The following PALS2 variants were observed in gnomAD, a reference collection of about 807,000 sequenced individuals.
The protein encoded by PALS2 is protein PALS2.
A neutral mutation model predicts 61.6 loss-of-function variants in PALS2; 27 were observed. The ratio of observed to expected loss-of-function variants is 0.44; its 90% CI spans 0.32 to 0.60. The LOEUF is 0.60. Among genes scored for constraint, PALS2 ranks in the 20% least tolerant of loss-of-function variants. The pLI is 0.05. For missense variants in PALS2, 554 were observed against 639.4 expected, an observed-to-expected ratio of 0.87 and a Z score of 1.44; for synonymous variants, 236 against 218.6, an observed-to-expected ratio of 1.08 and a Z score of -0.70.
rs1274329385 is a variant in PALS2, at chr7:24,691,405, G to GTGTATATATATATA, written c.*3792_*3793insGTATATATATATAT. ...ATATTATGTATGTGTGTGTGTGTGT[G>GTGTATATATATATA]TATATATATATATATATATATATAT... On this transcript the variant is annotated 3_prime_UTR_variant, in exon 12 of 12. Coordinates refer to ENST00000222644, the MANE Select transcript of PALS2 (RefSeq NM_001303037.2). The GTGTATATATATATA allele has an allele frequency of 9.0e-6, 1 of 110,596 alleles. No homozygotes were observed. The highest frequency in any genetic ancestry group is 1.9e-5 in the Non-Finnish European group (1 of 52,294). The allele number at this position is 110,596 out of a possible 1,614,324, so 6.9% of individuals were successfully genotyped here.
intron 9 of PALS2, among the ~76,000 whole-genome samples, chr7:24,677,617 C>G (rs542354609): frequency 6.6e-6 from 1 of 152,092 alleles, no homozygotes; most frequent in Admixed American, 6.6e-5. Flanking sequence ...TTTTCTGCAT[C>G]TATTGAGATA....
In PALS2 at chr7:24,691,444, T is replaced by G. The variant is rs556259115; in HGVS notation, c.*3830T>G. The G allele has an allele frequency of 1.5e-5, 2 of 134,340 alleles. No homozygotes were observed. The highest frequency in any genetic ancestry group is 3.3e-5 in the Non-Finnish European group (2 of 60,684). The allele number at this position is 134,340 out of a possible 1,614,324, so 8.3% of individuals were successfully genotyped here. A position where few individuals can be genotyped will look rare whatever the true frequency, so the allele number is the denominator to read the frequency against. ...ATATATATATATATATATATATATA[T>G]ACAGCTATGTGTATAATATGTAAAA... On this transcript the variant is annotated 3_prime_UTR_variant, in exon 12 of 12. Coordinates refer to ENST00000222644, the MANE Select transcript of PALS2 (RefSeq NM_001303037.2).
chr7:24,669,294 A>G (rs967179477), intron 9 of PALS2, among the ~76,000 whole-genome samples: 17 of 152,232 alleles, frequency 1.1e-4, no homozygotes, highest in Non-Finnish European at 8.8e-5. Context: ...ATTTACATAG[A>G]AAGTTAAATA....
rs118080366 is a variant in PALS2 at position 24,633,455 on chromosome 7, A to G, written c.118-8261A>G. On this transcript the variant is annotated intron_variant, in intron 2 of 11. Transcript: ENST00000222644. The stretch of plus-strand genomic sequence containing the variant: ...ATAATTCTTATGCTTGCTCCTCTGC[A>G]GGTAAGGTTGCCCCCCCCCCACCCC... Among the ~76,000 whole-genome samples, 853 of 104,590 alleles carry G rather than the reference A, an allele frequency of 8.2e-3. 6 individuals are homozygous for G. The highest frequency in any genetic ancestry group is 0.011 in the Non-Finnish European group (659 of 58,014). 68.6% of individuals were successfully genotyped at this position (104,590 alleles called of 152,430 possible). A position where few individuals can be genotyped will look rare whatever the true frequency, so the allele number is the denominator to read the frequency against.
intron 2 of PALS2, among the ~76,000 whole-genome samples, chr7:24,640,679 A>G (rs1785484660): frequency 6.6e-6 from 1 of 152,202 alleles, no homozygotes; most frequent in Admixed American, 6.5e-5. Flanking sequence ...ATTTGAACTT[A>G]ACACTCGGCT....
rs941045619 is a variant in PALS2, at chr7:24,693,427, T to C, written c.*5813T>C. 2 of 152,146 alleles carry C rather than the reference T, an allele frequency of 1.3e-5. No homozygotes were observed. Among genetic ancestry groups the C allele is most frequent in the Admixed American group, 6.5e-5 (1 of 15,270 alleles). 9.4% of individuals were successfully genotyped at this position (152,146 alleles called of 1,614,324 possible). ...ACAGGAAAAAAGCATACTCATCTGA[T>C]GTAAAAACTCATCAGCTGTAAATTA... On this transcript the variant is annotated 3_prime_UTR_variant, in exon 12 of 12. Transcript: ENST00000222644.
At position 24,623,713 on chromosome 7, in the gene PALS2, G is replaced by T. The variant is rs773971828; in HGVS notation, c.46G>T (p.Gly16Ter). The change falls in exon 2 of 12, where the codon GGA becomes TGA. Residue 16 changes from glycine (G) to a stop codon, truncating the protein, a stop_gained. Coordinates refer to ENST00000222644, the MANE Select transcript of PALS2 (RefSeq NM_001303037.2). LOFTEE classifies it high-confidence loss of function. Reference protein sequence around the residue: ...ENLTELPSSTGAEEIDLIFLK... With the variant: ...ENLTELPSST ...CCTTACGGAGCTGCCCTCGTCTACT[G>T]GAGCAGAAGAAATAGACCTAATTTT... 1 of 1,608,946 alleles carries T rather than the reference G, an allele frequency of 6.2e-7. No homozygotes were observed. The highest frequency in any genetic ancestry group is 2.2e-5 in the East Asian group (1 of 44,776).
At chr7:24,606,508 A>C (rs1400369147) in intron 1 of PALS2, among the ~76,000 whole-genome samples, 1 of 151,762 alleles carries the variant, frequency 6.6e-6, no homozygotes, top group Non-Finnish European at 1.5e-5. Context: ...TGACACTTTG[A>C]AAAATTAGTC....
intron 3 of PALS2, among the ~76,000 whole-genome samples, chr7:24,648,974 A>T (rs1246893036): frequency 6.6e-6 from 1 of 151,534 alleles, no homozygotes; most frequent in Non-Finnish European, 1.5e-5. Context: ...GCACATACAT[A>T]GTAAGTATAG....
rs989755217 is a variant in PALS2, at chr7:24,692,406, C to T, written c.*4792C>T. ...GTAAGGCTAAGTTAATATTTGTCTTCGCCTTAAATTCTGATTTGTAATTTG... is the reference window on the plus strand; with the variant it reads ...GTAAGGCTAAGTTAATATTTGTCTTTGCCTTAAATTCTGATTTGTAATTTG... On this transcript the variant is annotated 3_prime_UTR_variant, in exon 12 of 12. Transcript: ENST00000222644. The T allele has an allele frequency of 2.6e-5, 4 of 152,134 alleles. No homozygotes were observed. Among genetic ancestry groups the T allele is most frequent in the Non-Finnish European group, 4.4e-5 (3 of 67,994 alleles). 9.4% of individuals were successfully genotyped at this position (152,134 alleles called of 1,614,324 possible). A position where few individuals can be genotyped will look rare whatever the true frequency, so the allele number is the denominator to read the frequency against.
intron 1 of PALS2, among the ~76,000 whole-genome samples, chr7:24,617,167 T>G (rs141842668): frequency 7.9e-5 from 12 of 152,290 alleles, no homozygotes; most frequent in African/African-American, 1.7e-4. Flanking sequence ...TCTAGTCCTT[T>G]GTTGAAGCTC....
At chr7:24,603,832 T>C (rs965619826) in intron 1 of PALS2, among the ~76,000 whole-genome samples, 2 of 152,124 alleles carry the variant, frequency 1.3e-5, no homozygotes, top group Non-Finnish European at 2.9e-5. Flanking sequence ...AGACCAATTA[T>C]TTAAAAACTC....
intron 1 of PALS2, among the ~76,000 whole-genome samples, chr7:24,595,584 T>TATAA (rs1209602759): frequency 2.9e-5 from 4 of 139,776 alleles, no homozygotes; most frequent in African/African-American, 1.1e-4. Context: ...TATAAATATA[T>TATAA]ATAAATATAT....
intron 1 of PALS2, among the ~76,000 whole-genome samples, chr7:24,593,956 T>A (rs1783400338): frequency 6.6e-6 from 1 of 152,120 alleles, no homozygotes; most frequent in Admixed American, 6.6e-5. Flanking sequence ...GACTTTTCAC[T>A]AGCTATGAAA....
At chr7:24,637,871 G>A (rs1478133841) in intron 2 of PALS2, among the ~76,000 whole-genome samples, 1 of 152,132 alleles carries the variant, frequency 6.6e-6, no homozygotes, top group East Asian at 1.9e-4. Context: ...AATACTCAAT[G>A]CCAGTCATAG....
chr7:24,658,696 A>G (rs1334172728), intron 5 of PALS2, among the ~76,000 whole-genome samples: 1 of 151,806 alleles, frequency 6.6e-6, no homozygotes, highest in Non-Finnish European at 1.5e-5. Context: ...AGCTGGGACT[A>G]CAGGCACGTG....
At chr7:24,610,588 CA>C (rs1187302490) in intron 1 of PALS2, among the ~76,000 whole-genome samples, 1 of 152,100 alleles carries the variant, frequency 6.6e-6, no homozygotes, top group Non-Finnish European at 1.5e-5. Context: ...AGCATATTGT[CA>C]GTTTATAGAA....
intron 9 of PALS2, among the ~76,000 whole-genome samples, chr7:24,678,557 A>G (rs1358181999): frequency 6.6e-6 from 1 of 152,202 alleles, no homozygotes; most frequent in Non-Finnish European, 1.5e-5. Context: ...AACTAAGAAC[A>G]GGTGAACTTT....
At chr7:24,676,225 T>A (rs1458028938) in intron 9 of PALS2, among the ~76,000 whole-genome samples, 1 of 152,124 alleles carries the variant, frequency 6.6e-6, no homozygotes, top group Admixed American at 6.5e-5. Context: ...TGGGGTTGTT[T>A]GTTTTTTTCT....
Sources: allele counts gnomAD v4.1 joint callset (sites outside exome capture counted in the v4.1 genomes callset), GRCh38; gene constraint gnomAD v4.1.1; transcripts MANE v1.5; gene names NCBI Gene and HGNC (gene_info 2026-07-23, HGNC 2026-07-21).